RPTOR: variants seen among roughly 807,000 people sequenced by gnomAD.
The protein encoded by RPTOR is regulatory associated protein of MTOR complex 1.
Under a neutral mutation model 169.9 loss-of-function variants are expected in RPTOR, and 21 were observed. The observed-to-expected ratio is 0.12, with a 90% CI of 0.09 to 0.18. RPTOR has a LOEUF of 0.18. Among genes scored for constraint, RPTOR ranks in the 10% least tolerant of loss-of-function variants. The probability of loss-of-function intolerance (pLI) is 1.00; values close to 1 mark genes in which losing one functional copy is unlikely to be tolerated. For synonymous variants in RPTOR, 732 were observed against 753.2 expected, an observed-to-expected ratio of 0.97 and a Z score of 0.46; for missense variants, 1,133 against 1,855.9, an observed-to-expected ratio of 0.61 and a Z score of 7.16.
At chr17:80,837,561 C>T (rs2143672318) in intron 9 of RPTOR, among the ~76,000 whole-genome samples, 1 of 152,350 alleles carries the variant, frequency 6.6e-6, no homozygotes, top group South Asian at 2.1e-4. Context: ...AACACGTGGG[C>T]TGCCAGTACA....
At chr17:80,784,880 G>T (rs916606044) in intron 6 of RPTOR, among the ~76,000 whole-genome samples, 6 of 151,732 alleles carry the variant, frequency 4.0e-5, no homozygotes, top group East Asian at 1.9e-4. Flanking sequence ...GGTTTTTTTT[G>T]TTGTTGTTGT....
chr17:80,603,459 A>G, intron 1 of RPTOR, among the ~76,000 whole-genome samples: 1 of 152,158 alleles, frequency 6.6e-6, no homozygotes, highest in South Asian at 2.1e-4. Flanking sequence ...GCATCCTTTG[A>G]AGGGTTAAGG....
intron 1 of RPTOR, among the ~76,000 whole-genome samples, chr17:80,550,182 A>C (rs1338627962): frequency 6.6e-6 from 1 of 152,144 alleles, no homozygotes; most frequent in Non-Finnish European, 1.5e-5. Flanking sequence ...CACTCCCCTG[A>C]GACTGGTCTC....
At chr17:80,574,092 G>A (rs2064935387) in intron 1 of RPTOR, among the ~76,000 whole-genome samples, 1 of 150,826 alleles carries the variant, frequency 6.6e-6, no homozygotes, top group Non-Finnish European at 1.5e-5. Flanking sequence ...ATCCGAAAGT[G>A]TTGTTTGTAA....
chr17:80,697,696 G>A (rs1487735478), intron 3 of RPTOR, among the ~76,000 whole-genome samples: 1 of 152,242 alleles, frequency 6.6e-6, no homozygotes, highest in Non-Finnish European at 1.5e-5. Flanking sequence ...TGGGAACGTG[G>A]TGAGGACACT....
At chr17:80,853,516 C>T (rs750246836) in intron 11 of RPTOR, among the ~76,000 whole-genome samples, 41 of 152,180 alleles carry the variant, frequency 2.7e-4, no homozygotes, top group Non-Finnish European at 1.0e-4. Context: ...GTGGTCCCTA[C>T]TGTCTGTGGT....
At chr17:80,905,058 G>C (rs1217252927) in intron 20 of RPTOR, among the ~76,000 whole-genome samples, 4 of 152,182 alleles carry the variant, frequency 2.6e-5, no homozygotes, top group African/African-American at 9.7e-5. Context: ...GCTCAGTCCT[G>C]CTAGGAAAGG....
chr17:80,805,737 AC>A (rs2067212170), intron 7 of RPTOR: 1 of 152,136 alleles, frequency 6.6e-6, no homozygotes, highest in South Asian at 2.1e-4. Flanking sequence ...ATGGGGAATT[AC>A]CCCTCGCCTC....
chr17:80,867,850 G>GA (rs1468051989), intron 13 of RPTOR, among the ~76,000 whole-genome samples: 4 of 152,156 alleles, frequency 2.6e-5, no homozygotes, highest in African/African-American at 9.7e-5. Flanking sequence ...AAACCATTGT[G>GA]AAAAGAAATG....
At chr17:80,674,337 AAAG>A (rs1198816249) in intron 3 of RPTOR, among the ~76,000 whole-genome samples, 4 of 152,162 alleles carry the variant, frequency 2.6e-5, no homozygotes, top group Admixed American at 1.3e-4. Context: ...ACCTTTCCGG[AAAG>A]AAGAAGTAGG....
chr17:80,553,018 T>C (rs1870393428), intron 1 of RPTOR, among the ~76,000 whole-genome samples: 1 of 152,188 alleles, frequency 6.6e-6, no homozygotes, highest in South Asian at 2.1e-4. Flanking sequence ...ACTGTTTTCA[T>C]AATAATGGAA....
rs1307868456 is a variant in RPTOR, at chr17:80,957,314, C to T, written c.3371-310C>T. ...TGGGAGTTCCAGCTTAGAATTGTCA[C>T]CCCGGCCTGGACTTGGGAGTTCCAG... is the stretch of plus-strand genomic sequence containing the variant. On this transcript the variant is annotated intron_variant, in intron 28 of 33. Transcript: ENST00000306801. This position sits in a 1 kb window ranked among gnomAD's most constrained non-coding sequence, Gnocchi z 4.6. 6.8e-5 allele frequency among the ~76,000 whole-genome samples: 10 copies of T among 146,382 alleles called. No individual in the cohort carries two copies. The highest frequency in any genetic ancestry group is 2.6e-4 in the African/African-American group (10 of 39,200).
chr17:80,674,764 G>C (rs1489598897), intron 3 of RPTOR, among the ~76,000 whole-genome samples: 1 of 131,912 alleles, frequency 7.6e-6, no homozygotes, highest in African/African-American at 2.9e-5. Context: ...CTCCAGCCTG[G>C]GCAACAGAGC....
intron 3 of RPTOR, among the ~76,000 whole-genome samples, chr17:80,660,955 C>A (rs1192806804): frequency 1.3e-5 from 2 of 152,210 alleles, no homozygotes; most frequent in Admixed American, 1.3e-4. Flanking sequence ...CTCCAACCCC[C>A]ACCCCCAGCC....
At position 80,651,173 on chromosome 17, in the gene RPTOR, T is replaced by C. The variant is rs1261224979; in HGVS notation, c.348+7363T>C. 1.3e-5 allele frequency among the ~76,000 whole-genome samples: 2 copies of C among 152,076 alleles called. No homozygotes were observed. The highest frequency in any genetic ancestry group is 4.8e-5 in the African/African-American group (2 of 41,392). On this transcript the variant is annotated intron_variant, in intron 3 of 33. Coordinates refer to ENST00000306801, the MANE Select transcript of RPTOR (RefSeq NM_020761.3). This position sits in a 1 kb window ranked among gnomAD's most constrained non-coding sequence, Gnocchi z 4.1. ...GAGATGGCTCTGAAGGACAGGCAGG[T>C]GCCAGGCGAGGGATGGAAGTGCTGC...
chr17:80,795,572 T>G (rs918489020), intron 7 of RPTOR, among the ~76,000 whole-genome samples: 4 of 152,316 alleles, frequency 2.6e-5, no homozygotes, highest in African/African-American at 9.6e-5. Context: ...TATTTTTTTT[T>G]TTTAATTTAA....
At chr17:80,891,678 C>G (rs1157426919) in intron 17 of RPTOR, 42 bp from the exon 18 acceptor site, 1 of 1,333,796 alleles carries the variant, frequency 7.5e-7, no homozygotes, top group Non-Finnish European at 1.1e-6. Flanking sequence ...CAATCATTTT[C>G]CAGCCCCAGT....
chr17:80,831,739 G>GTGTATCCCTGTGTATCACTA (rs1567936801), intron 9 of RPTOR, among the ~76,000 whole-genome samples: 1 of 151,374 alleles, frequency 6.6e-6, no homozygotes, highest in African/African-American at 2.4e-5. Flanking sequence ...CTGTGTCACT[G>GTGTATCCCTGTGTATCACTA]TGTATCCCTG....
chr17:80,603,437 G>A (rs927200619), intron 1 of RPTOR, among the ~76,000 whole-genome samples: 3 of 152,218 alleles, frequency 2.0e-5, no homozygotes, highest in African/African-American at 2.4e-5. Context: ...CAAGAAGCTC[G>A]TGGGGGTTGG....
Sources: gnomAD v4.1 joint callset for allele counts (sites outside exome capture counted in the v4.1 genomes callset) on GRCh38, gnomAD v4.1.1 for gene constraint, Gnocchi (gnomAD v3.1) non-coding constraint, MANE v1.5 for transcripts, NCBI Gene and HGNC (gene_info 2026-07-23, HGNC 2026-07-21) for gene names.